Variants in CSMD1 observed in about 807,000 individuals in gnomAD.
CSMD1 encodes the protein CUB and Sushi multiple domains 1.
Under a neutral mutation model 417.5 loss-of-function variants are expected in CSMD1, and 213 were observed. The observed-to-expected ratio is 0.51, with a 90% CI of 0.46 to 0.57. The LOEUF (loss-of-function observed/expected upper bound fraction) is 0.57, where lower values mean the gene tolerates loss of function less well. Ranked by LOEUF, CSMD1 falls within the 20% of genes least tolerant of loss-of-function variation. The pLI, the probability that CSMD1 is intolerant of heterozygous loss-of-function variation, is 0.00. For synonymous variants in CSMD1, 2,862 were observed against 1,736.8 expected (o/e 1.65, Z -16.11); for missense variants, 6,923 against 4,529.7 (o/e 1.53, Z -15.17).
chr8:3,160,462 G>A (rs1461644513), intron 38 of CSMD1, among the ~76,000 whole-genome samples: 2 of 152,108 alleles, frequency 1.3e-5, no homozygotes, highest in Non-Finnish European at 2.9e-5. Flanking sequence ...GATCAGGAAC[G>A]TTGTGTCCTA....
chr8:3,387,593 C>A lies in CSMD1; in HGVS notation c.2683G>T (p.Val895Leu), dbSNP rs369227633. 2 of 1,601,170 alleles carry A rather than the reference C, an allele frequency of 1.2e-6. No homozygotes were observed. Among genetic ancestry groups the A allele is most frequent in the East Asian group, 2.3e-5 (1 of 44,234 alleles). Residue 895 changes from valine (V) to leucine (L), a missense_variant, in exon 18 of 70, where the codon GTG (valine) becomes TTG (leucine). Physicochemically the swap from Val to Leu is conservative, Grantham distance 32 (BLOSUM62 1). Transcript: ENST00000635120. ...TACCCCGGGTCACAGCTGAAAGTCA[C>A]TGTGGACCTGATGCCAAAGTCTCCA... ...HGGDFGIRST[V>L]TFSCDPGYTL...
chr8:3,936,571 A>G (rs1267588975), intron 5 of CSMD1, among the ~76,000 whole-genome samples: 1 of 152,208 alleles, frequency 6.6e-6, no homozygotes, highest in East Asian at 1.9e-4. Flanking sequence ...GGAAGATAGC[A>G]CATCTCTTTA....
chr8:4,309,504 A>G (rs1405434417), intron 3 of CSMD1, among the ~76,000 whole-genome samples: 2 of 152,160 alleles, frequency 1.3e-5, no homozygotes, highest in Admixed American at 1.3e-4. Flanking sequence ...TCAAATTTCT[A>G]AACTAAAAGG....
At position 3,391,958 on chromosome 8, in the gene CSMD1, G is replaced by T. The variant is rs1457925405; in HGVS notation, c.2593+4236C>A. ...AGAGTTTGATATAAATCATTCTTGG[G>T]TCATGGATGAAGCTGGAAACCATCA... On this transcript the variant is annotated intron_variant, in intron 17 of 69. Coordinates refer to ENST00000635120, the MANE Select transcript of CSMD1 (RefSeq NM_033225.6). Among the ~76,000 whole-genome samples the T allele has an allele frequency of 2.0e-5, 3 of 152,180 alleles. No homozygotes were observed. In the South Asian group the frequency reaches 6.2e-4, roughly 32 times the overall value.
intron 3 of CSMD1, among the ~76,000 whole-genome samples, chr8:4,272,472 G>C (rs1053532510): frequency 6.6e-6 from 1 of 151,996 alleles, no homozygotes; most frequent in African/African-American, 2.4e-5. Flanking sequence ...GAGTATATAG[G>C]CACAGATAAC....
chr8:4,795,061 T>C (rs1482810887), intron 1 of CSMD1, among the ~76,000 whole-genome samples: 1 of 151,956 alleles, frequency 6.6e-6, no homozygotes, highest in Non-Finnish European at 1.5e-5. Flanking sequence ...AAGTTTCTGC[T>C]GTCTTTAATA....
chr8:3,068,963 A>C (rs572718232), intron 49 of CSMD1, among the ~76,000 whole-genome samples: 1 of 152,214 alleles, frequency 6.6e-6, no homozygotes, highest in South Asian at 2.1e-4. Flanking sequence ...TTCCCAACAG[A>C]AGCCAAAAGT....
chr8:4,328,139 C>T (rs868057059), intron 3 of CSMD1, among the ~76,000 whole-genome samples: 12 of 152,100 alleles, frequency 7.9e-5, no homozygotes, highest in South Asian at 2.1e-4. Flanking sequence ...TGAAGAAATA[C>T]TCAAAGATGT....
chr8:4,290,997 A>G (rs1482059084), intron 3 of CSMD1, among the ~76,000 whole-genome samples: 2 of 152,146 alleles, frequency 1.3e-5, no homozygotes, highest in African/African-American at 4.8e-5. Context: ...TATTTGTTAA[A>G]TGTATATGTA....
intron 27 of CSMD1, among the ~76,000 whole-genome samples, chr8:3,225,391 C>CTTTT (rs113674126): frequency 1.4e-5 from 2 of 145,670 alleles, no homozygotes; most frequent in Non-Finnish European, 3.0e-5. Context: ...CCCAGTATGA[C>CTTTT]TTTTTTTTTT....
intron 11 of CSMD1, among the ~76,000 whole-genome samples, chr8:3,480,923 G>A (rs768706022): frequency 9.2e-5 from 14 of 151,906 alleles, no homozygotes; most frequent in South Asian, 2.1e-4. Context: ...TTGGGAGGCC[G>A]AGGTGAGCGG....
chr8:4,912,135 A>AAAAAAAAAAAAAAAGAAAAAAG, intron 1 of CSMD1, among the ~76,000 whole-genome samples: 1 of 115,612 alleles, frequency 8.6e-6, no homozygotes, highest in Non-Finnish European at 1.9e-5. Flanking sequence ...AAAAAAAAAA[A>AAAAAAAAAAAAAAAGAAAAAAG]AAAAAAGAAA....
At chr8:4,360,915 G>C (rs1045495872) in intron 3 of CSMD1, among the ~76,000 whole-genome samples, 2 of 152,170 alleles carry the variant, frequency 1.3e-5, no homozygotes, top group African/African-American at 4.8e-5. Context: ...TTAGGCTTCT[G>C]ATAGCAGGTG....
chr8:3,938,349 AAAGT>A (rs1810645324), intron 5 of CSMD1, among the ~76,000 whole-genome samples: 1 of 152,196 alleles, frequency 6.6e-6, no homozygotes, highest in Non-Finnish European at 1.5e-5. Flanking sequence ...AATACAACAT[AAAGT>A]AATAGAGTCA....
At chr8:3,192,021 ATC>A (rs1446853583) in intron 33 of CSMD1, among the ~76,000 whole-genome samples, 1 of 152,174 alleles carries the variant, frequency 6.6e-6, no homozygotes, top group African/African-American at 2.4e-5. Context: ...TTTCTGTTGA[ATC>A]AGACCAACGA....
At chr8:4,365,143 G>C (rs1341746913) in intron 3 of CSMD1, among the ~76,000 whole-genome samples, 1 of 152,000 alleles carries the variant, frequency 6.6e-6, no homozygotes, top group East Asian at 1.9e-4. Flanking sequence ...CTAATATACA[G>C]CATATCATAT....
At position 4,615,886 on chromosome 8, in the gene CSMD1, A is replaced by G. The variant is rs552861634; in HGVS notation, c.302+21456T>C. ...AAGCATTCTTTTTTCACTGTTTTGG[A>G]TGAATTCATAGCCCATAACTATTTG... On this transcript the variant is annotated intron_variant, in intron 2 of 69. Coordinates refer to ENST00000635120, the MANE Select transcript of CSMD1 (RefSeq NM_033225.6). 2.0e-5 allele frequency among the ~76,000 whole-genome samples: 3 copies of G among 152,178 alleles called. No individual in the cohort carries two copies. In the East Asian group the frequency reaches 5.8e-4, roughly 29 times the overall value.
intron 5 of CSMD1, among the ~76,000 whole-genome samples, chr8:3,802,646 T>C (rs906780236): frequency 6.6e-6 from 1 of 152,176 alleles, no homozygotes; most frequent in Non-Finnish European, 1.5e-5. Flanking sequence ...AAAGCAATCA[T>C]GAGCTTGTCA....
intron 3 of CSMD1, among the ~76,000 whole-genome samples, chr8:4,132,190 G>A (rs1055043201): frequency 3.3e-5 from 4 of 122,690 alleles, no homozygotes; most frequent in African/African-American, 9.0e-5. Context: ...AATTTGTCAT[G>A]GATTTTTTTT....
Sources: allele counts gnomAD v4.1 joint callset (sites outside exome capture counted in the v4.1 genomes callset), GRCh38; gene constraint gnomAD v4.1.1; transcripts MANE v1.5; gene names NCBI Gene and HGNC (gene_info 2026-07-23, HGNC 2026-07-21).